Variants in DAB1 observed in about 807,000 individuals in gnomAD.
The protein encoded by DAB1 is DAB adaptor protein 1.
In DAB1, 15 loss-of-function variants were observed where a neutral mutation model predicts 64.6. That is an observed-to-expected ratio of 0.23 (90% CI 0.16 to 0.36). The LOEUF is 0.36. Ranked by LOEUF, DAB1 falls within the 10% of genes least tolerant of loss-of-function variation. The pLI is 1.00. For missense variants in DAB1, 596 were observed against 706.7 expected (o/e 0.84, Z 1.78); for synonymous variants, 235 against 251.9 (o/e 0.93, Z 0.64).
chr1:57,429,115 ATGTTTTTCACGC>A (rs1365662224), intron 7 of DAB1, among the ~76,000 whole-genome samples: 2 of 152,016 alleles, frequency 1.3e-5, no homozygotes, highest in Non-Finnish European at 2.9e-5. Context: ...AGGTCTCCCT[ATGTTTTTCACGC>A]TGATTTTCAA....
At chr1:57,144,466 C>T (rs1290081842) in intron 3 of DAB1, among the ~76,000 whole-genome samples, 5 of 151,894 alleles carry the variant, frequency 3.3e-5, no homozygotes, top group African/African-American at 4.8e-5. Context: ...GAGGCCGAGG[C>T]GGACGGATCA....
chr1:58,352,126 G>T (rs1046015112), intron 3 of DAB1, among the ~76,000 whole-genome samples: 1 of 151,796 alleles, frequency 6.6e-6, no homozygotes, highest in Admixed American at 6.6e-5. Context: ...TGTCTCAGTT[G>T]GCCTGACTTG....
At chr1:57,015,512 A>G in intron 11 of DAB1, 81 bp from the exon 12 acceptor site, 1 of 1,304,404 alleles carries the variant, frequency 7.7e-7, no homozygotes, top group Non-Finnish European at 1.0e-6. Context: ...TAATTGACAG[A>G]AATGTATCAA....
chr1:58,100,081 T>C (rs1374732621), intron 5 of DAB1, among the ~76,000 whole-genome samples: 3 of 152,218 alleles, frequency 2.0e-5, no homozygotes, highest in Non-Finnish European at 4.4e-5. Flanking sequence ...TTTATCGTGG[T>C]AAAAGATACA....
At chr1:57,359,087 C>A (rs1037350563) in intron 1 of DAB1, among the ~76,000 whole-genome samples, 1 of 151,914 alleles carries the variant, frequency 6.6e-6, no homozygotes, top group African/African-American at 2.4e-5. Flanking sequence ...AACGAATAGA[C>A]AAATGAGATT....
At chr1:57,140,201 A>C (rs1658470766) in intron 3 of DAB1, among the ~76,000 whole-genome samples, 1 of 152,138 alleles carries the variant, frequency 6.6e-6, no homozygotes, top group African/African-American at 2.4e-5. Context: ...TAGCCACCTG[A>C]CCTAGTAAGT....
chr1:57,435,519 C>A (rs1230692767), intron 7 of DAB1, among the ~76,000 whole-genome samples: 1 of 151,976 alleles, frequency 6.6e-6, no homozygotes, highest in Non-Finnish European at 1.5e-5. Flanking sequence ...AGTCTATAAG[C>A]TTTTTTCTAT....
At chr1:57,557,490 AGTTCT>A (rs1381006052) in intron 7 of DAB1, among the ~76,000 whole-genome samples, 2 of 152,096 alleles carry the variant, frequency 1.3e-5, no homozygotes, top group African/African-American at 4.8e-5. Flanking sequence ...ATATTTCATT[AGTTCT>A]GTACCTCTAG....
chr1:57,634,342 T>C (rs2101632236), intron 7 of DAB1, among the ~76,000 whole-genome samples: 1 of 152,362 alleles, frequency 6.6e-6, no homozygotes, highest in African/African-American at 2.4e-5. Flanking sequence ...TGTCACTTAA[T>C]AGTGGCTCCC....
intron 6 of DAB1, among the ~76,000 whole-genome samples, chr1:57,730,185 G>C (rs1212428820): frequency 6.6e-6 from 1 of 152,208 alleles, no homozygotes; most frequent in Non-Finnish European, 1.5e-5. Context: ...AAGTGTTCAG[G>C]ACAATGTCAC....
intron 4 of DAB1, among the ~76,000 whole-genome samples, chr1:58,164,574 C>T (rs370222061): frequency 6.6e-6 from 1 of 152,260 alleles, no homozygotes; most frequent in African/African-American, 2.4e-5. Flanking sequence ...AAAATGAAAT[C>T]TGAACAATTA....
At chr1:58,203,446 A>G (rs997993836) in intron 4 of DAB1, among the ~76,000 whole-genome samples, 8 of 152,158 alleles carry the variant, frequency 5.3e-5, no homozygotes, top group African/African-American at 1.9e-4. Flanking sequence ...CTCTTCCCAT[A>G]TTCACCCAAC....
intron 5 of DAB1, among the ~76,000 whole-genome samples, chr1:57,907,089 C>T (rs1057266905): frequency 6.6e-6 from 1 of 152,262 alleles, no homozygotes; most frequent in South Asian, 2.1e-4. Context: ...TTTATAATTA[C>T]GTCACATGCC....
intron 4 of DAB1, among the ~76,000 whole-genome samples, chr1:58,302,935 C>T (rs1282241869): frequency 2.6e-5 from 4 of 151,996 alleles, no homozygotes; most frequent in African/African-American, 9.7e-5. Context: ...TGTGTTATGC[C>T]AAGTATGTTG....
chr1:57,124,914 C>T (rs79942180), intron 4 of DAB1, among the ~76,000 whole-genome samples: 1,941 of 152,228 alleles, frequency 0.013, 27 homozygotes, highest in African/African-American at 0.042. Flanking sequence ...GTCCTCAGTG[C>T]TCAGAATGCC....
chr1:58,265,736 T>C (rs1661144108), intron 4 of DAB1, among the ~76,000 whole-genome samples: 1 of 152,232 alleles, frequency 6.6e-6, no homozygotes, highest in African/African-American at 2.4e-5. Flanking sequence ...GAAAAAAGGA[T>C]AGGATCAGAA....
At chr1:57,964,203 C>T (rs757924894) in intron 5 of DAB1, among the ~76,000 whole-genome samples, 8 of 152,274 alleles carry the variant, frequency 5.3e-5, no homozygotes, top group Middle Eastern at 6.8e-3. Context: ...CTGTCTGTAT[C>T]ATCATGCCCT....
chr1:57,857,851 T>TAAA (rs1282660431), intron 1 of DAB1, among the ~76,000 whole-genome samples: 1 of 45,632 alleles, frequency 2.2e-5, no homozygotes, highest in Non-Finnish European at 4.3e-5. Flanking sequence ...AGAATGTTCA[T>TAAA]ACAAAAAAAA....
chr1:57,383,900 C>A (rs770704849), intron 1 of DAB1, among the ~76,000 whole-genome samples: 1 of 151,974 alleles, frequency 6.6e-6, no homozygotes, highest in Non-Finnish European at 1.5e-5. Flanking sequence ...AGTAAAAATG[C>A]GTAAATCACA....
Sources: gnomAD v4.1 joint callset for allele counts (sites outside exome capture counted in the v4.1 genomes callset) on GRCh38, gnomAD v4.1.1 for gene constraint, MANE v1.5 for transcripts, NCBI Gene and HGNC (gene_info 2026-07-23, HGNC 2026-07-21) for gene names.